AHRR: variants seen among roughly 807,000 people sequenced by gnomAD.
The protein encoded by AHRR is aryl hydrocarbon receptor repressor.
Under a neutral mutation model 44.0 loss-of-function variants are expected in AHRR, and 28 were observed. The observed-to-expected ratio is 0.64, with a 90% CI of 0.47 to 0.87. The LOEUF is 0.87. AHRR is among the 40% of genes least tolerant of loss of function. AHRR has a pLI of 0.00. For synonymous variants in AHRR, 434 were observed against 407.0 expected (o/e 1.07, Z -0.80); for missense variants, 990 against 953.9 (o/e 1.04, Z -0.50).
chr5:365,048 G>C (rs1743310393), intron 3 of AHRR, among the ~76,000 whole-genome samples: 1 of 151,588 alleles, frequency 6.6e-6, no homozygotes, highest in Non-Finnish European at 1.5e-5. Context: ...TCATCAGAGA[G>C]AAATATTTTA....
intron 2 of AHRR, among the ~76,000 whole-genome samples, chr5:350,965 A>G (rs1251333300): frequency 6.6e-6 from 1 of 151,524 alleles, no homozygotes; most frequent in Non-Finnish European, 1.5e-5. Flanking sequence ...CATTTCTCCA[A>G]AGAAAATATA....
intron 1 of AHRR, among the ~76,000 whole-genome samples, chr5:341,359 A>G (rs908348202): frequency 5.9e-5 from 9 of 151,912 alleles, no homozygotes; most frequent in African/African-American, 2.2e-4. Context: ...ATCTGCAGTG[A>G]TGTCCTCTCT....
At chr5:343,270 CCCACATACCTTTT>C (rs1742411043) in intron 1 of AHRR, among the ~76,000 whole-genome samples, 1 of 147,674 alleles carries the variant, frequency 6.8e-6, no homozygotes, top group Non-Finnish European at 1.5e-5. Flanking sequence ...AACACGGGAC[CCCACATACCTTTT>C]CGGGGTGACG....
At chr5:343,211 C>T (rs1250367261) in intron 1 of AHRR, among the ~76,000 whole-genome samples, 2 of 151,556 alleles carry the variant, frequency 1.3e-5, no homozygotes, top group Non-Finnish European at 2.9e-5. Context: ...AGTACCCTCT[C>T]AGAGGTGACA....
intron 4 of AHRR, among the ~76,000 whole-genome samples, chr5:399,583 G>C (rs375361551): frequency 6.6e-6 from 1 of 152,206 alleles, no homozygotes; most frequent in East Asian, 1.9e-4. Flanking sequence ...GACGCTCACT[G>C]TTGCCGTCCC....
intron 6 of AHRR, among the ~76,000 whole-genome samples, chr5:423,443 G>A (rs560748310): frequency 1.3e-5 from 2 of 152,274 alleles, no homozygotes; most frequent in South Asian, 4.1e-4. Context: ...ACCTGCCCGC[G>A]GTCCTGTGCA....
chr5:347,365 G>T (rs1742713866), intron 2 of AHRR, among the ~76,000 whole-genome samples: 1 of 152,192 alleles, frequency 6.6e-6, no homozygotes, highest in Non-Finnish European at 1.5e-5. Context: ...AAATTTGTAT[G>T]AGTTGAATTT....
chr5:389,554 T>C (rs1005082188), intron 4 of AHRR, among the ~76,000 whole-genome samples: 3 of 151,902 alleles, frequency 2.0e-5, no homozygotes, highest in African/African-American at 4.8e-5. Flanking sequence ...GGTCCCCCCA[T>C]TCTGTGGAAA....
In AHRR at chr5:395,719, A is replaced by T. The variant is rs1734674582; in HGVS notation, c.352-17625A>T. Among the ~76,000 whole-genome samples the T allele has an allele frequency of 6.6e-6, 1 of 152,214 alleles. No individual in the cohort carries two copies. The highest frequency in any genetic ancestry group is 1.5e-5 in the Non-Finnish European group (1 of 68,034). The stretch of plus-strand genomic sequence containing the variant: ...GGAACCAAAGTGTCCAGCAGTTGAA[A>T]TTTAACAAGTGGGGAGACACTCCTC... On this transcript the variant is annotated intron_variant, in intron 4 of 10. Transcript: ENST00000684583. This position sits in a 1 kb window ranked among gnomAD's most constrained non-coding sequence, Gnocchi z 5.3.
chr5:391,388 G>GC (rs1734433237), intron 4 of AHRR, among the ~76,000 whole-genome samples: 1 of 110,948 alleles, frequency 9.0e-6, no homozygotes, highest in Non-Finnish European at 1.7e-5. Flanking sequence ...GCAGGGCGAG[G>GC]AGGGCGCAGG....
chr5:364,815 G>A (rs919554149), intron 3 of AHRR, among the ~76,000 whole-genome samples: 1 of 151,914 alleles, frequency 6.6e-6, no homozygotes, highest in Admixed American at 6.6e-5. Context: ...GGTATACTGG[G>A]GAAATATAAC....
chr5:392,876 A>G (rs1186785615), intron 4 of AHRR, among the ~76,000 whole-genome samples: 1 of 147,878 alleles, frequency 6.8e-6, no homozygotes, highest in African/African-American at 2.5e-5. Context: ...TGTCTCCCCC[A>G]TGCCTTCATT....
At chr5:381,769 C>T (rs1293484611) in intron 4 of AHRR, among the ~76,000 whole-genome samples, 1 of 152,114 alleles carries the variant, frequency 6.6e-6, no homozygotes, top group Non-Finnish European at 1.5e-5. Context: ...CTGCCTTGGC[C>T]TCCCAAAGTG....
intron 3 of AHRR, chr5:368,000 T>A (rs1165487031): frequency 8.6e-6 from 6 of 694,168 alleles, no homozygotes; most frequent in Non-Finnish European, 1.6e-5. Context: ...GTGAGGACAA[T>A]GAAGGCAATG....
rs2126427333 is a variant in AHRR, at chr5:370,539, GAGAGTCT to G, written c.245-6070_245-6064del. ...GGTCATCCGCCACCCCCAGGACCCT[GAGAGTCT>G]CACAGTGGGTGCAGCCCCAGGCAGG... On this transcript the variant is annotated intron_variant, in intron 3 of 10. Coordinates refer to ENST00000684583, the MANE Select transcript of AHRR (RefSeq NM_001377236.1). This position sits in a 1 kb window ranked among gnomAD's most constrained non-coding sequence, Gnocchi z 4.5. Among the ~76,000 whole-genome samples the G allele has an allele frequency of 6.6e-6, 1 of 152,318 alleles. No individual in the cohort carries two copies. The highest frequency in any genetic ancestry group is 1.9e-4 in the East Asian group (1 of 5,172).
At chr5:379,201 C>T (rs114459185) in intron 4 of AHRR, among the ~76,000 whole-genome samples, 1 of 152,304 alleles carries the variant, frequency 6.6e-6, no homozygotes, top group South Asian at 2.1e-4. Context: ...CACGGTGCTG[C>T]GGGTCACCAG....
In AHRR at chr5:342,217, T is replaced by C. The variant is rs1408898834; in HGVS notation, c.-10-1676T>C. On this transcript the variant is annotated intron_variant, in intron 1 of 10. Transcript: ENST00000684583. This position sits in a 1 kb window ranked among gnomAD's most constrained non-coding sequence, Gnocchi z 4.3. ...ATTCAAGTCTGTTGTCGTTTGGATA[T>C]TCTGTATCCTTACTGATTTTATTTA... Among the ~76,000 whole-genome samples, 1 of 152,258 alleles carries C rather than the reference T, an allele frequency of 6.6e-6. No homozygotes were observed. Among genetic ancestry groups the C allele is most frequent in the Non-Finnish European group, 1.5e-5 (1 of 68,046 alleles).
chr5:360,689 C>G (rs1014069326), intron 3 of AHRR, among the ~76,000 whole-genome samples: 16 of 152,062 alleles, frequency 1.1e-4, no homozygotes, highest in Non-Finnish European at 4.4e-5. Flanking sequence ...AGGAATGTGC[C>G]CGTGGAACGC....
chr5:418,706 G>T (rs1397807054), intron 5 of AHRR: 4 of 152,388 alleles, frequency 2.6e-5, no homozygotes, highest in Admixed American at 2.6e-4. Context: ...CAGCAGGGCG[G>T]GACTGCAGCT....
Sources: allele counts gnomAD v4.1 joint callset (sites outside exome capture counted in the v4.1 genomes callset), GRCh38; gene constraint gnomAD v4.1.1; non-coding constraint Gnocchi (gnomAD v3.1); transcripts MANE v1.5; gene names NCBI Gene and HGNC (gene_info 2026-07-23, HGNC 2026-07-21).